The following CDK14 variants were observed in gnomAD, a reference collection of about 807,000 sequenced individuals.
CDK14 encodes cyclin-dependent kinase 14.
A neutral mutation model predicts 60.7 loss-of-function variants in CDK14; 34 were observed. The observed-to-expected ratio is 0.56, with a 90% CI of 0.43 to 0.75. The LOEUF is 0.75. Among genes scored for constraint, CDK14 ranks in the 30% least tolerant of loss-of-function variants. The pLI, the probability that CDK14 is intolerant of heterozygous loss-of-function variation, is 0.00. For missense variants in CDK14, 482 were observed against 564.1 expected, an observed-to-expected ratio of 0.85 and a Z score of 1.47; for synonymous variants, 197 against 203.7, an observed-to-expected ratio of 0.97 and a Z score of 0.28.
intron 6 of CDK14, among the ~76,000 whole-genome samples, chr7:90,878,524 T>C (rs570657809): frequency 6.6e-6 from 1 of 152,100 alleles, no homozygotes; most frequent in Non-Finnish European, 1.5e-5. Flanking sequence ...ACAACAGACA[T>C]ACTGTACATC....
At position 91,060,987 on chromosome 7, in the gene CDK14, A is replaced by C. The variant is rs550549588; in HGVS notation, c.1105+15027A>C. Among the ~76,000 whole-genome samples the C allele has an allele frequency of 1.5e-3, 233 of 152,290 alleles. 4 individuals are homozygous for C. In the East Asian group the frequency reaches 0.038, roughly 25 times the overall value. On this transcript the variant is annotated intron_variant, in intron 11 of 14. Coordinates refer to ENST00000380050, the MANE Select transcript of CDK14 (RefSeq NM_001287135.2). ...GGAAGTTCTCCTGGATAATATCCTGAGGAGTGTTTTCCAACTTGGTTCCAT... is the reference window on the plus strand; with the variant it reads ...GGAAGTTCTCCTGGATAATATCCTGCGGAGTGTTTTCCAACTTGGTTCCAT...
intron 13 of CDK14, among the ~76,000 whole-genome samples, chr7:91,113,541 T>C (rs192512979): frequency 7.2e-5 from 11 of 152,344 alleles, no homozygotes; most frequent in South Asian, 4.1e-4. Flanking sequence ...AATGGTGATA[T>C]GTTCTTTCCA....
rs971451519 is a variant in CDK14 at position 90,662,902 on chromosome 7, C to T, written c.123+58653C>T. Among the ~76,000 whole-genome samples the T allele has an allele frequency of 3.7e-4, 57 of 152,304 alleles. 1 individual carries two copies. The highest frequency in any genetic ancestry group is 1.3e-3 in the African/African-American group (56 of 41,578). On this transcript the variant is annotated intron_variant, in intron 2 of 14. Coordinates refer to ENST00000380050, the MANE Select transcript of CDK14 (RefSeq NM_001287135.2). ...GCTCCTCCACTTTCTAGCTATGCAA[C>T]CTGATCACCTCATGCCCCTGTTCAG...
intron 9 of CDK14, among the ~76,000 whole-genome samples, chr7:90,970,730 G>C (rs1794900612): frequency 6.6e-6 from 1 of 152,190 alleles, no homozygotes; most frequent in Non-Finnish European, 1.5e-5. Flanking sequence ...AGGTTTCCAT[G>C]GAGACTGCTG....
chr7:90,875,838 A>G lies in CDK14; in HGVS notation c.639+12569A>G, dbSNP rs1791540172. ...CTTTGTGTTTCACATATTCTATTGA[A>G]GTTTCTAAATTTAAATTTTATTATT... On this transcript the variant is annotated intron_variant, in intron 6 of 14. Transcript: ENST00000380050. Among the ~76,000 whole-genome samples, 5 of 151,994 alleles carry G rather than the reference A, an allele frequency of 3.3e-5. No individual in the cohort carries two copies. The South Asian group carries it at 8.3e-4, about 25-fold the overall frequency.
intron 14 of CDK14, among the ~76,000 whole-genome samples, chr7:91,172,616 T>C (rs62468535): frequency 6.6e-6 from 1 of 152,180 alleles, no homozygotes; most frequent in African/African-American, 2.4e-5. Context: ...GCATGATCTG[T>C]CCCTGATTGC....
Position 91,059,779 on chromosome 7 carries a change from A to G in CDK14, c.1105+13819A>G, listed in dbSNP as rs573885685. Among the ~76,000 whole-genome samples the G allele has an allele frequency of 2.7e-3, 413 of 152,316 alleles. 3 individuals are homozygous for G. Among genetic ancestry groups the G allele is most frequent in the African/African-American group, 9.2e-3 (381 of 41,566 alleles). On this transcript the variant is annotated intron_variant, in intron 11 of 14. Transcript: ENST00000380050. ...ACTGTGGTCTGAGAGACAGTTTGTT[A>G]TAATTTCTGTTCTTTTACATTTGCT...
chr7:90,948,664 T>C (rs1794167828), intron 8 of CDK14, among the ~76,000 whole-genome samples: 1 of 152,220 alleles, frequency 6.6e-6, no homozygotes. Flanking sequence ...AATATGTGAG[T>C]GAATGGATGT....
At chr7:90,720,141 A>G (rs562090937) in intron 2 of CDK14, among the ~76,000 whole-genome samples, 15 of 152,220 alleles carry the variant, frequency 9.9e-5, no homozygotes, top group Non-Finnish European at 2.1e-4. Flanking sequence ...TGGAAGAGAT[A>G]ATCAGGTTGT....
intron 6 of CDK14, among the ~76,000 whole-genome samples, chr7:90,878,000 G>A (rs1452584962): frequency 2.0e-5 from 3 of 151,736 alleles, no homozygotes; most frequent in Admixed American, 6.6e-5. Context: ...AAATGCAGTG[G>A]GCACCCTATA....
chr7:90,754,901 T>A (rs1412904051), intron 4 of CDK14, among the ~76,000 whole-genome samples: 1 of 151,956 alleles, frequency 6.6e-6, no homozygotes, highest in African/African-American at 2.4e-5. Context: ...AAAATACAAA[T>A]CAAAACCGTA....
intron 11 of CDK14, among the ~76,000 whole-genome samples, chr7:91,069,358 G>A (rs1798070292): frequency 6.6e-6 from 1 of 152,080 alleles, no homozygotes; most frequent in Non-Finnish European, 1.5e-5. Context: ...GAGCAACAGT[G>A]AGATGCCATC....
intron 14 of CDK14, among the ~76,000 whole-genome samples, chr7:91,177,888 A>C (rs1429828592): frequency 6.8e-6 from 1 of 147,026 alleles, no homozygotes; most frequent in East Asian, 2.0e-4. Flanking sequence ...ATACTGCCCA[A>C]GGTAATTTAT....
At chr7:91,077,743 T>TACACAC (rs36101608) in intron 11 of CDK14, among the ~76,000 whole-genome samples, 49 of 148,720 alleles carry the variant, frequency 3.3e-4, no homozygotes, top group Non-Finnish European at 4.9e-4. Flanking sequence ...TTCACTTTTA[T>TACACAC]ACACACACAC....
chr7:90,814,115 T>A (rs986691304), intron 5 of CDK14, among the ~76,000 whole-genome samples: 4 of 152,316 alleles, frequency 2.6e-5, no homozygotes, highest in Admixed American at 2.6e-4. Flanking sequence ...AACTGATACC[T>A]CCTAGTCTCA....
chr7:91,159,997 G>A (rs184377406), intron 14 of CDK14, among the ~76,000 whole-genome samples: 1 of 152,114 alleles, frequency 6.6e-6, no homozygotes, highest in Non-Finnish European at 1.5e-5. Flanking sequence ...CATTTTTACT[G>A]GTTAACAGCT....
intron 7 of CDK14, among the ~76,000 whole-genome samples, chr7:90,917,192 T>C (rs1159426270): frequency 6.6e-6 from 1 of 152,248 alleles, no homozygotes; most frequent in African/African-American, 2.4e-5. Context: ...AATATGTGCA[T>C]ATTGATATAA....
chr7:90,760,044 T>C (rs1804253794), intron 4 of CDK14, among the ~76,000 whole-genome samples: 1 of 152,224 alleles, frequency 6.6e-6, no homozygotes, highest in African/African-American at 2.4e-5. Context: ...GAGATTTATG[T>C]GATTGAAAGT....
Position 91,177,209 on chromosome 7 carries a change from C to A in CDK14, c.*29-29956C>A, listed in dbSNP as rs895430432. On this transcript the variant is annotated intron_variant, in intron 14 of 14. Coordinates refer to ENST00000380050, the MANE Select transcript of CDK14 (RefSeq NM_001287135.2). ...TATAAACAGAGCCAAAGACAAAAAC[C>A]ACATGATTATCTCAATAGATGCAGA... Among the ~76,000 whole-genome samples the A allele has an allele frequency of 4.3e-3, 651 of 150,382 alleles. 7 individuals carry two copies. The highest frequency in any genetic ancestry group is 0.015 in the African/African-American group (618 of 40,760).
Sources: gnomAD v4.1 joint callset for allele counts (sites outside exome capture counted in the v4.1 genomes callset) on GRCh38, gnomAD v4.1.1 for gene constraint, MANE v1.5 for transcripts, NCBI Gene and HGNC (gene_info 2026-07-23, HGNC 2026-07-21) for gene names.